The following UTRN variants were observed in gnomAD, a reference collection of about 807,000 sequenced individuals.
UTRN encodes utrophin.
In UTRN, 283 loss-of-function variants were observed where a neutral mutation model predicts 463.9. The observed-to-expected ratio is 0.61, with a 90% CI of 0.55 to 0.67. The LOEUF is 0.67. UTRN is among the 30% of genes least tolerant of loss of function. The pLI, the probability that UTRN is intolerant of heterozygous loss-of-function variation, is 0.00. For missense variants in UTRN, 3,922 were observed against 4,084.3 expected (o/e 0.96, Z 1.08); for synonymous variants, 1,442 against 1,431.5 (o/e 1.01, Z -0.17).
At chr6:144,353,980 T>G (rs1049159954) in intron 2 of UTRN, among the ~76,000 whole-genome samples, 3 of 152,210 alleles carry the variant, frequency 2.0e-5, no homozygotes, top group African/African-American at 7.2e-5. Context: ...GCTGGGATGT[T>G]TTAAAGTTGG....
chr6:144,459,535 T>G (rs1421355249), intron 21 of UTRN, among the ~76,000 whole-genome samples, 181 bp downstream of exon 21: 1 of 152,176 alleles, frequency 6.6e-6, no homozygotes, highest in African/African-American at 2.4e-5. Flanking sequence ...GATTCACACC[T>G]TTTTGTAAAC....
chr6:144,625,831 A>C (rs1041740223), intron 51 of UTRN, among the ~76,000 whole-genome samples: 3 of 152,158 alleles, frequency 2.0e-5, no homozygotes, highest in Admixed American at 2.0e-4. Context: ...TCTTCCTTTT[A>C]TGTGACAAAA....
At chr6:144,545,828 T>A (rs929129774) in intron 46 of UTRN, among the ~76,000 whole-genome samples, 17 of 152,330 alleles carry the variant, frequency 1.1e-4, no homozygotes, top group Admixed American at 1.1e-3. Flanking sequence ...GAGACCAGCC[T>A]GGCCAACATG....
chr6:144,444,398 C>A lies in UTRN; in HGVS notation c.1614+16C>A. On this transcript the variant is annotated intron_variant, in intron 14 of 74. Transcript: ENST00000367545. ...GGAAGAACAGGTATGAAACTGTTTT[C>A]CATAAGGGGCAAAATAAATGGTGAA... 6.3e-7 allele frequency: 1 copy of A among 1,581,774 alleles called. No individual in the cohort carries two copies. Among genetic ancestry groups the A allele is most frequent in the Non-Finnish European group, 8.6e-7 (1 of 1,160,108 alleles).
intron 9 of UTRN, among the ~76,000 whole-genome samples, chr6:144,434,772 A>G (rs748202256): frequency 6.6e-6 from 1 of 152,198 alleles, no homozygotes; most frequent in Non-Finnish European, 1.5e-5. Context: ...TTGAACCAGC[A>G]GGAAACCAGG....
At position 144,459,192 on chromosome 6, in the gene UTRN, C is replaced by T; in HGVS notation, c.2545C>T (p.Leu849Phe). 6.2e-7 allele frequency: 1 copy of T among 1,612,052 alleles called. No individual in the cohort carries two copies. Among genetic ancestry groups the T allele is most frequent in the Non-Finnish European group, 8.5e-7 (1 of 1,179,334 alleles). The change falls in exon 21 of 75, where the codon CTT (leucine) becomes TTT (phenylalanine). Residue 849 changes from leucine (L) to phenylalanine (F), a missense_variant. Leu to Phe is a conservative substitution (Grantham distance 22). Coordinates refer to ENST00000367545, the MANE Select transcript of UTRN (RefSeq NM_007124.3). Reference sequence around the variant, plus strand: ...TCCTTAGCGGGAATTGACAAATCTTCTTGGCCTTCACCCCAAAATTGAAAT... The same window carrying T: ...TCCTTAGCGGGAATTGACAAATCTTTTTGGCCTTCACCCCAAAATTGAAAT... ...DSCQRELTNLLGLHPKIEMAR... is the reference protein window; with the variant it reads ...DSCQRELTNLFGLHPKIEMAR...
chr6:144,539,481 A>G, intron 45 of UTRN, 38 bp downstream of exon 45: 1 of 1,539,994 alleles, frequency 6.5e-7, no homozygotes, highest in Non-Finnish European at 8.8e-7. Flanking sequence ...TCTCATATTT[A>G]TTGATTTTGT....
At chr6:144,568,404 C>A (rs1295588679) in intron 50 of UTRN, among the ~76,000 whole-genome samples, 2 of 152,086 alleles carry the variant, frequency 1.3e-5, no homozygotes, top group African/African-American at 4.8e-5. Context: ...AGCTTAAAAT[C>A]ATTTCTTTTC....
intron 2 of UTRN, among the ~76,000 whole-genome samples, chr6:144,299,293 A>G (rs1471565641): frequency 6.6e-6 from 1 of 152,206 alleles, no homozygotes; most frequent in Non-Finnish European, 1.5e-5. Context: ...ATAGACAAGG[A>G]AGGCAGGTTT....
chr6:144,327,776 C>G (rs936618425), intron 2 of UTRN, among the ~76,000 whole-genome samples: 3 of 151,928 alleles, frequency 2.0e-5, no homozygotes, highest in African/African-American at 7.3e-5. Flanking sequence ...AACCCCGTCT[C>G]TACTAAAAAT....
At chr6:144,713,347 T>C (rs991437672) in intron 53 of UTRN, among the ~76,000 whole-genome samples, 1 of 152,136 alleles carries the variant, frequency 6.6e-6, no homozygotes, top group South Asian at 2.1e-4. Flanking sequence ...GGCTCATGCC[T>C]GTAATCTTAG....
chr6:144,748,967 C>T (rs1791074833), intron 55 of UTRN, among the ~76,000 whole-genome samples: 1 of 151,668 alleles, frequency 6.6e-6, no homozygotes, highest in South Asian at 2.1e-4. Flanking sequence ...CCTCTCTACT[C>T]GGTATCTCTT....
chr6:144,722,078 T>C (rs1787242270), intron 53 of UTRN, among the ~76,000 whole-genome samples: 1 of 152,202 alleles, frequency 6.6e-6, no homozygotes, highest in African/African-American at 2.4e-5. Context: ...ATCTGCTGCA[T>C]AGAGAAGTAT....
chr6:144,450,332 A>G (rs1046905721), intron 17 of UTRN, among the ~76,000 whole-genome samples: 4 of 152,114 alleles, frequency 2.6e-5, no homozygotes, highest in African/African-American at 7.2e-5. Flanking sequence ...CACATCGTCA[A>G]TTGTCCCTCC....
rs1348522334 is a variant in UTRN, at chr6:144,400,388, A to G, written c.80-2735A>G. ...CTGTATAAATTTCTAGGCAGACAAA[A>G]TGGCTGATCAGAATAGCATGACGGA... is the stretch of plus-strand genomic sequence containing the variant. On this transcript the variant is annotated intron_variant, in intron 2 of 74. Transcript: ENST00000367545. Among the ~76,000 whole-genome samples, 3 of 152,184 alleles carry G rather than the reference A, an allele frequency of 2.0e-5. No individual in the cohort carries two copies. In the East Asian group the frequency reaches 5.8e-4, roughly 29 times the overall value.
intron 2 of UTRN, among the ~76,000 whole-genome samples, chr6:144,376,440 C>A (rs933071320): frequency 6.7e-6 from 1 of 149,904 alleles, no homozygotes; most frequent in Admixed American, 6.7e-5. Flanking sequence ...GGTGACAGAG[C>A]GACACTCTGT....
intron 51 of UTRN, among the ~76,000 whole-genome samples, chr6:144,578,811 C>T (rs1022558504): frequency 6.6e-6 from 1 of 152,296 alleles, no homozygotes; most frequent in Admixed American, 6.5e-5. Context: ...GCATTGAAAC[C>T]TTTTTTAAAT....
At chr6:144,846,440 A>AT (rs1782019551) in intron 73 of UTRN, among the ~76,000 whole-genome samples, 1 of 152,232 alleles carries the variant, frequency 6.6e-6, no homozygotes, top group Non-Finnish European at 1.5e-5. Flanking sequence ...CTTGGTCAGA[A>AT]TTAGTACTCA....
chr6:144,764,493 G>A (rs1242246535), intron 58 of UTRN, among the ~76,000 whole-genome samples: 1 of 152,162 alleles, frequency 6.6e-6, no homozygotes, highest in Non-Finnish European at 1.5e-5. Context: ...TTGCATTATA[G>A]TGACACCATC....
Sources: gnomAD v4.1 joint callset for allele counts (sites outside exome capture counted in the v4.1 genomes callset) on GRCh38, gnomAD v4.1.1 for gene constraint, MANE v1.5 for transcripts, NCBI Gene and HGNC (gene_info 2026-07-23, HGNC 2026-07-21) for gene names.